NDST1: variants seen among roughly 807,000 people sequenced by gnomAD.
NDST1 encodes bifunctional heparan sulfate N-deacetylase/N-sulfotransferase 1.
NDST1 carries 35 observed loss-of-function variants against 92.8 expected under a neutral mutation model. That is an observed-to-expected ratio of 0.38 (90% CI 0.29 to 0.50). The LOEUF (loss-of-function observed/expected upper bound fraction) is 0.50. NDST1 is among the 20% of genes least tolerant of loss of function. The pLI, the probability that NDST1 is intolerant of heterozygous loss-of-function variation, is 0.94. For synonymous variants in NDST1, 493 were observed against 500.3 expected, an observed-to-expected ratio of 0.99 and a Z score of 0.19; for missense variants, 822 against 1,182.7, an observed-to-expected ratio of 0.69 and a Z score of 4.47.
chr5:150,506,111 A>T (rs965330199), upstream of NDST1, among the ~76,000 whole-genome samples: 8 of 152,186 alleles, frequency 5.3e-5, no homozygotes, highest in Non-Finnish European at 4.4e-5. Context: ...ATTGTGGAGA[A>T]TAAGAACCTT....
At chr5:150,545,217 G>A in intron 10 of NDST1, 95 bp from the exon 11 acceptor site, 3 of 1,422,892 alleles carry the variant, frequency 2.1e-6, no homozygotes, top group South Asian at 1.2e-5. Flanking sequence ...GCTCTCTGAG[G>A]ACATTCTACC....
chr5:150,518,112 C>T (rs1421700423), intron 1 of NDST1, among the ~76,000 whole-genome samples: 1 of 152,182 alleles, frequency 6.6e-6, no homozygotes, highest in African/African-American at 2.4e-5. Flanking sequence ...CAGGGAGTCC[C>T]TGGAAAGTGC....
chr5:150,511,538 C>A (rs115745908), intron 1 of NDST1, among the ~76,000 whole-genome samples: 1 of 152,162 alleles, frequency 6.6e-6, no homozygotes, highest in Non-Finnish European at 1.5e-5. Flanking sequence ...GCACACCAGA[C>A]GGCACAAGCC....
chr5:150,552,287 T>TG (rs1266185577), intron 14 of NDST1, among the ~76,000 whole-genome samples: 2 of 152,124 alleles, frequency 1.3e-5, no homozygotes. Flanking sequence ...AAAGGAGGGA[T>TG]GGGGGTCTCT....
chr5:150,499,367 T>C (rs1753131455), intron 1 of NDST1, among the ~76,000 whole-genome samples: 2 of 152,240 alleles, frequency 1.3e-5, no homozygotes, highest in African/African-American at 2.4e-5. Context: ...CCATTTCATA[T>C]GCTTACATGA....
At position 150,510,038 on chromosome 5, in the gene NDST1, A is replaced by G. The variant is rs561517864; in HGVS notation, c.-388+1812A>G. On this transcript the variant is annotated intron_variant, in intron 1 of 14. Coordinates refer to ENST00000261797, the MANE Select transcript of NDST1 (RefSeq NM_001543.5). ...GGAGTGGTGTGGAAAGTAGGACTGC[A>G]GAAGGGTAACGAACAGGGGCTGTGG... is the stretch of plus-strand genomic sequence containing the variant. Among the ~76,000 whole-genome samples, 23 of 141,742 alleles carry G rather than the reference A, an allele frequency of 1.6e-4. 1 individual carries two copies. In the East Asian group the frequency reaches 5.5e-3, roughly 34 times the overall value. The allele number at this position is 141,742 out of a possible 152,430, so 93.0% of individuals were successfully genotyped here.
chr5:150,551,409 G>C (rs192827599), intron 13 of NDST1, among the ~76,000 whole-genome samples: 2 of 152,008 alleles, frequency 1.3e-5, no homozygotes, highest in East Asian at 3.9e-4. Flanking sequence ...AAAAAAAAAA[G>C]AGTTACTCAG....
chr5:150,529,992 G>A (rs10051242), intron 3 of NDST1, among the ~76,000 whole-genome samples: 5,584 of 152,210 alleles, frequency 0.037, 364 homozygotes, highest in African/African-American at 0.13. Flanking sequence ...AATTTGAATC[G>A]AGTCCTAATT....
At chr5:150,524,233 CAGTG>C (rs1459824742) in intron 2 of NDST1, among the ~76,000 whole-genome samples, 23 of 152,208 alleles carry the variant, frequency 1.5e-4, no homozygotes, top group African/African-American at 5.3e-4. Context: ...GAAAACAAGA[CAGTG>C]GGTGGGGAGC....
rs779255223 is a variant in NDST1 at position 150,542,947 on chromosome 5, A to C, written c.1946A>C (p.His649Pro). The C allele has an allele frequency of 3.1e-6, 5 of 1,614,094 alleles. No individual in the cohort carries two copies. In the Admixed American group the frequency reaches 6.7e-5, roughly 22 times the overall value. ...TFEEIQFFNG[H>P]NYHKGIDWYM... is the part of the protein sequence containing the mutation. ...GAGGAGATCCAGTTTTTTAATGGCC[A>C]CAACTATCACAAAGGCATCGACTGG... Residue 649 changes from histidine (H) to proline (P), a missense_variant, in exon 10 of 15, where the codon CAC becomes CCC. Transcript: ENST00000261797.
intron 6 of NDST1, among the ~76,000 whole-genome samples, chr5:150,536,149 G>A (rs1754975907): frequency 6.6e-6 from 1 of 152,208 alleles, no homozygotes; most frequent in Admixed American, 6.5e-5. Context: ...TTTCTGATGA[G>A]GATGTGGGAC....
At chr5:150,523,551 G>A (rs1364949369) in intron 2 of NDST1, among the ~76,000 whole-genome samples, 1 of 152,218 alleles carries the variant, frequency 6.6e-6, no homozygotes, top group Non-Finnish European at 1.5e-5. Flanking sequence ...GTATAGGTCT[G>A]GGATTTGAAC....
intron 3 of NDST1, among the ~76,000 whole-genome samples, chr5:150,530,190 G>T (rs1754658731): frequency 1.3e-5 from 2 of 152,322 alleles, no homozygotes; most frequent in Non-Finnish European, 2.9e-5. Context: ...AGCCCTCCAG[G>T]CTCCACCTTA....
rs763600387 is a variant in NDST1 at position 150,527,929 on chromosome 5, C to T, written c.639C>T (p.Ser213=). Residue 213 remains serine, a synonymous_variant, in exon 3 of 15, where the codon AGC becomes AGT. Coordinates refer to ENST00000261797, the MANE Select transcript of NDST1 (RefSeq NM_001543.5). ...CGCTGCTCTACGTGACGCGACCTAG[C>T]GAGGTGGAGAAAGGTGTGCTCCCCG... ...KSPLLYVTRP[S]EVEKGVLPGE... The T allele has an allele frequency of 1.2e-5, 20 of 1,614,088 alleles. No homozygotes were observed. Among genetic ancestry groups the T allele is most frequent in the Non-Finnish European group, 1.4e-5 (16 of 1,180,054 alleles).
intron 1 of NDST1, among the ~76,000 whole-genome samples, chr5:150,516,175 C>G (rs997249850): frequency 6.6e-6 from 1 of 152,242 alleles, no homozygotes; most frequent in African/African-American, 2.4e-5. Flanking sequence ...CTGCCTGGCC[C>G]TCTGTGTAAT....
chr5:150,535,262 G>A, intron 5 of NDST1: 1 of 971,880 alleles, frequency 1.0e-6, no homozygotes, highest in Non-Finnish European at 1.2e-6. Flanking sequence ...AAGAGGTCCA[G>A]CTGGGACTTA....
At chr5:150,504,874 G>A (rs1417994693), upstream of NDST1, among the ~76,000 whole-genome samples, 1 of 152,204 alleles carries the variant, frequency 6.6e-6, no homozygotes, top group Non-Finnish European at 1.5e-5. Context: ...TGGTTGAACT[G>A]GAAAGTCGTG....
At chr5:150,543,638 C>T (rs1035500096) in intron 10 of NDST1, among the ~76,000 whole-genome samples, 1 of 152,334 alleles carries the variant, frequency 6.6e-6, no homozygotes, top group African/African-American at 2.4e-5. Context: ...GAGGTGGGTA[C>T]ACCTCACACG....
At chr5:150,533,169 G>T (rs763347517) in intron 4 of NDST1, 137 bp downstream of exon 4, 5 of 862,814 alleles carry the variant, frequency 5.8e-6, no homozygotes, top group Non-Finnish European at 7.7e-6. Flanking sequence ...CTCTGCCCCC[G>T]TGGAGCCAAC....
Sources: allele counts gnomAD v4.1 joint callset (sites outside exome capture counted in the v4.1 genomes callset), GRCh38; gene constraint gnomAD v4.1.1; transcripts MANE v1.5; gene names NCBI Gene and HGNC (gene_info 2026-07-23, HGNC 2026-07-21).